FA2H: variants seen among roughly 807,000 people sequenced by gnomAD.
FA2H encodes fatty acid alpha-hydroxylase.
FA2H carries 22 observed loss-of-function variants against 44.9 expected under a neutral mutation model. The observed-to-expected ratio is 0.49, with a 90% CI of 0.35 to 0.70. FA2H has a LOEUF of 0.70. Among genes scored for constraint, FA2H ranks in the 30% least tolerant of loss-of-function variants. The pLI, the probability that FA2H is intolerant of heterozygous loss-of-function variation, is 0.01. For synonymous variants in FA2H, 243 were observed against 213.2 expected (o/e 1.14, Z -1.22); for missense variants, 501 against 504.9 (o/e 0.99, Z 0.07).
At chr16:74,769,809 T>A (rs1340869557) in intron 1 of FA2H, among the ~76,000 whole-genome samples, 4 of 152,224 alleles carry the variant, frequency 2.6e-5, no homozygotes, top group Non-Finnish European at 5.9e-5. Flanking sequence ...GTGAGGCTCT[T>A]GACCCCACCG....
intron 1 of FA2H, among the ~76,000 whole-genome samples, chr16:74,752,368 G>A (rs1263696995): frequency 6.6e-6 from 1 of 152,084 alleles, no homozygotes; most frequent in Non-Finnish European, 1.5e-5. Flanking sequence ...TGACCCATGA[G>A]CCCCACCAAG....
At chr16:74,719,728 A>T (rs1242642825) in intron 4 of FA2H, among the ~76,000 whole-genome samples, 1 of 151,540 alleles carries the variant, frequency 6.6e-6, no homozygotes, top group East Asian at 1.9e-4. Context: ...TTTTATTTTT[A>T]TTTTTTTTGT....
At chr16:74,773,210 G>GAGTAC (rs1392231836) in intron 1 of FA2H, among the ~76,000 whole-genome samples, 1 of 152,154 alleles carries the variant, frequency 6.6e-6, no homozygotes, top group Non-Finnish European at 1.5e-5. Flanking sequence ...CAAGAAGAGT[G>GAGTAC]AGTACAGTAC....
intron 1 of FA2H, among the ~76,000 whole-genome samples, chr16:74,764,703 A>G (rs1962774934): frequency 2.0e-5 from 3 of 151,898 alleles, no homozygotes; most frequent in Admixed American, 2.0e-4. Flanking sequence ...AAACCTGCAC[A>G]TGTATTGCTG....
chr16:74,729,589 G>C (rs780757616), intron 2 of FA2H, among the ~76,000 whole-genome samples: 4 of 152,078 alleles, frequency 2.6e-5, no homozygotes, highest in African/African-American at 4.8e-5. Context: ...TGCAAGCTCA[G>C]AAAAGTTTGC....
intron 2 of FA2H, among the ~76,000 whole-genome samples, chr16:74,734,286 G>C (rs1962137809): frequency 6.6e-6 from 1 of 152,266 alleles, no homozygotes; most frequent in African/African-American, 2.4e-5. Flanking sequence ...GGAACCCGAC[G>C]CTAGAGAGGC....
At chr16:74,745,963 G>A (rs1644646217) in intron 1 of FA2H, among the ~76,000 whole-genome samples, 1 of 152,062 alleles carries the variant, frequency 6.6e-6, no homozygotes, top group Admixed American at 6.6e-5. Context: ...GCACCAACAT[G>A]CCTGGCTAAT....
chr16:74,755,377 G>T (rs1343380181), intron 1 of FA2H, among the ~76,000 whole-genome samples: 4 of 151,592 alleles, frequency 2.6e-5, no homozygotes, highest in African/African-American at 9.7e-5. Context: ...ACGGGGTTTC[G>T]CCATGTTGGT....
Position 74,774,749 on chromosome 16 carries a change from G to A in FA2H, c.7C>T (p.Pro3Ser). The A allele has an allele frequency of 2.3e-6, 3 of 1,307,584 alleles. No homozygotes were observed. Among genetic ancestry groups the A allele is most frequent in the Non-Finnish European group, 2.9e-6 (3 of 1,036,574 alleles). The allele number at this position is 1,307,584 out of a possible 1,614,324, so 81.0% of individuals were successfully genotyped here. A position where few individuals can be genotyped will look rare whatever the true frequency, so the allele number is the denominator to read the frequency against. Residue 3 changes from proline (P) to serine (S), a missense_variant, in exon 1 of 7, where the codon CCC becomes TCC. By Grantham distance (74) the Pro-to-Ser change is moderately conservative. Coordinates refer to ENST00000219368, the MANE Select transcript of FA2H (RefSeq NM_024306.5). The part of the protein sequence containing the change: MA[P>S]APPPAASFSP... ...AAGGAGGCGGCGGGGGGCGGAGCGG[G>A]GGCCATGGCCGGAGACCGCAGCTCC...
intron 1 of FA2H, among the ~76,000 whole-genome samples, chr16:74,750,807 C>T (rs1280224712): frequency 2.4e-5 from 2 of 82,430 alleles, no homozygotes; most frequent in African/African-American, 4.4e-5. Context: ...GACAGGGTCT[C>T]GCTCTGTCAG....
intron 1 of FA2H, among the ~76,000 whole-genome samples, chr16:74,740,681 T>A (rs941012453): frequency 1.3e-4 from 20 of 149,222 alleles, no homozygotes; most frequent in Non-Finnish European, 2.5e-4. Flanking sequence ...AATTTCTGCA[T>A]AAATAAAAGA....
intron 4 of FA2H, among the ~76,000 whole-genome samples, chr16:74,720,549 A>G (rs1452344371): frequency 1.3e-5 from 2 of 152,008 alleles, no homozygotes; most frequent in Non-Finnish European, 2.9e-5. Context: ...AGCTTTGGCC[A>G]TATCTTCTCT....
intron 2 of FA2H, among the ~76,000 whole-genome samples, chr16:74,738,984 C>A (rs1471475926): frequency 6.6e-6 from 1 of 152,242 alleles, no homozygotes; most frequent in African/African-American, 2.4e-5. Flanking sequence ...GATGGGTTCT[C>A]CCAGAGGCGG....
At chr16:74,739,523 A>G (rs1467554211) in intron 2 of FA2H, among the ~76,000 whole-genome samples, 1 of 152,140 alleles carries the variant, frequency 6.6e-6, no homozygotes, top group Non-Finnish European at 1.5e-5. Context: ...AAAGAGGCTT[A>G]TCCTAAGACT....
chr16:74,757,162 A>G (rs1448593472), intron 1 of FA2H, among the ~76,000 whole-genome samples: 1 of 152,238 alleles, frequency 6.6e-6, no homozygotes, highest in East Asian at 1.9e-4. Context: ...TCAGTAAGAA[A>G]AAGACAACTA....
chr16:74,725,381 C>T (rs921932448), intron 4 of FA2H, among the ~76,000 whole-genome samples: 1 of 152,156 alleles, frequency 6.6e-6, no homozygotes, highest in South Asian at 2.1e-4. Flanking sequence ...ACCTGGAGGC[C>T]CAAGGTAGGC....
chr16:74,772,534 C>T (rs1276807339), intron 1 of FA2H, among the ~76,000 whole-genome samples: 2 of 152,190 alleles, frequency 1.3e-5, no homozygotes, highest in African/African-American at 2.4e-5. Context: ...GGAACCAGTT[C>T]CATGACTGAA....
At chr16:74,724,993 AT>A (rs1440586598) in intron 4 of FA2H, among the ~76,000 whole-genome samples, 2 of 152,002 alleles carry the variant, frequency 1.3e-5, no homozygotes, top group Non-Finnish European at 2.9e-5. Flanking sequence ...ACTGTTTGTG[AT>A]TGTTAGGGGA....
At chr16:74,741,806 A>ATGTGTGTGTG (rs1482714202) in intron 1 of FA2H, among the ~76,000 whole-genome samples, 3 of 60,760 alleles carry the variant, frequency 4.9e-5, no homozygotes, top group East Asian at 5.6e-4. Context: ...ATATATATAT[A>ATGTGTGTGTG]TATGTGTGTG....
Sources: allele counts gnomAD v4.1 joint callset (sites outside exome capture counted in the v4.1 genomes callset), GRCh38; gene constraint gnomAD v4.1.1; transcripts MANE v1.5; gene names NCBI Gene and HGNC (gene_info 2026-07-23, HGNC 2026-07-21).